CBR4: variants seen among roughly 807,000 people sequenced by gnomAD.
CBR4 encodes carbonyl reductase 4.
A neutral mutation model predicts 21.0 loss-of-function variants in CBR4; 22 were observed. The observed-to-expected ratio is 1.05, with a 90% CI of 0.75 to 1.50. The LOEUF is 1.50. Among genes scored for constraint, CBR4 ranks in the 40% most tolerant of loss-of-function variants. The probability of loss-of-function intolerance (pLI) is 0.00; values close to 1 mark genes in which losing one functional copy is unlikely to be tolerated. For missense variants in CBR4, 302 were observed against 286.3 expected (o/e 1.05, Z -0.40); for synonymous variants, 100 against 104.4 (o/e 0.96, Z 0.26).
At chr4:168,896,456 G>A in intron 2 of CBR4, 1 of 757,310 alleles carries the variant, frequency 1.3e-6, no homozygotes, top group Non-Finnish European at 2.3e-6. Flanking sequence ...CATATTGCTA[G>A]CACAAAAGTT....
chr4:169,003,984 T>C (rs995507575), intron 3 of CBR4, among the ~76,000 whole-genome samples: 4 of 152,084 alleles, frequency 2.6e-5, no homozygotes, highest in African/African-American at 9.7e-5. Flanking sequence ...TTGGGAGATA[T>C]ACCTAACGCT....
rs774609370 is a variant in CBR4, at chr4:168,990,229, G to A, written c.635C>T (p.Ala212Val). 68 of 1,613,218 alleles carry A rather than the reference G, an allele frequency of 4.2e-5. No individual in the cohort carries two copies. Among genetic ancestry groups the A allele is most frequent in the African/African-American group, 1.3e-4 (10 of 74,808 alleles). Reference sequence around the variant, plus strand: ...CGGTGATTCTAAAAGAAACACAACCGCATGTGCCACCTCAATAGTTTCTCC... The same window carrying A: ...CGGTGATTCTAAAAGAAACACAACCACATGTGCCACCTCAATAGTTTCTCC... Reference protein sequence around the residue: ...RFGETIEVAHAVVFLLESPYI... With the variant: ...RFGETIEVAHVVVFLLESPYI... The change falls in exon 5 of 5, where the codon GCG becomes GTG. Residue 212 changes from alanine to valine, a missense_variant. Coordinates refer to ENST00000306193, the MANE Select transcript of CBR4 (RefSeq NM_032783.5).
intron 4 of CBR4, among the ~76,000 whole-genome samples, chr4:168,994,630 G>A (rs917190661): frequency 3.3e-5 from 5 of 152,150 alleles, no homozygotes; most frequent in African/African-American, 9.6e-5. Flanking sequence ...CCAAGCTGGA[G>A]TGCAGTGGCA....
At chr4:168,906,860 C>G (rs1757913225) in intron 2 of CBR4, among the ~76,000 whole-genome samples, 1 of 151,806 alleles carries the variant, frequency 6.6e-6, no homozygotes, top group Non-Finnish European at 1.5e-5. Context: ...AAAAAGAAAC[C>G]CTTGTTAACA....
chr4:168,987,989 G>A lies in CBR4; in HGVS notation c.*2161C>T, dbSNP rs1764749733. The A allele has an allele frequency of 1.0e-6, 1 of 985,238 alleles. No individual in the cohort carries two copies. Among genetic ancestry groups the A allele is most frequent in the African/African-American group, 1.7e-5 (1 of 57,218 alleles). 61.0% of individuals were successfully genotyped at this position (985,238 alleles called of 1,614,324 possible). On this transcript the variant is annotated 3_prime_UTR_variant, in exon 5 of 5. Coordinates refer to ENST00000306193, the MANE Select transcript of CBR4 (RefSeq NM_032783.5). ...AATGCTAAGCACAGAACCCTTATGG[G>A]CTCATAGGAGTCAGCAAACAGCTAC...
At chr4:168,898,564 G>A in intron 2 of CBR4, 4 of 1,613,738 alleles carry the variant, frequency 2.5e-6, no homozygotes, top group Non-Finnish European at 3.4e-6. Flanking sequence ...GGTCTCCTGT[G>A]GATGAATCAG....
intron 2 of CBR4, among the ~76,000 whole-genome samples, chr4:168,924,033 T>TATCA (rs1204368492): frequency 2.0e-5 from 3 of 152,194 alleles, no homozygotes; most frequent in East Asian, 1.9e-4. Flanking sequence ...AGTGTGAGCC[T>TATCA]ATCAGACTTG....
chr4:168,969,560 C>T (rs1764142622), intron 2 of CBR4, among the ~76,000 whole-genome samples: 1 of 152,092 alleles, frequency 6.6e-6, no homozygotes, highest in Admixed American at 6.5e-5. Context: ...GGATAGAGTT[C>T]AACAGATTCA....
At chr4:168,949,027 A>T (rs1763469369) in intron 2 of CBR4, among the ~76,000 whole-genome samples, 1 of 152,132 alleles carries the variant, frequency 6.6e-6, no homozygotes, top group Non-Finnish European at 1.5e-5. Flanking sequence ...TGTTCGTGTC[A>T]TCTGTGATTT....
At chr4:168,982,156 T>C (rs1329718458) in intron 2 of CBR4, among the ~76,000 whole-genome samples, 3 of 152,166 alleles carry the variant, frequency 2.0e-5, no homozygotes, top group Non-Finnish European at 4.4e-5. Flanking sequence ...CCCAACTGTA[T>C]GCTGTCTTCA....
rs1033832851 is a variant in CBR4, at chr4:168,990,468, A to C, written c.536-140T>G. Reference sequence around the variant, plus strand: ...AAATTTTTTTTTGAGACAGGGTCTCACTCTGTCACCCAAGCTAGAATGCAG... The same window carrying C: ...AAATTTTTTTTTGAGACAGGGTCTCCCTCTGTCACCCAAGCTAGAATGCAG... On this transcript the variant is annotated intron_variant, in intron 4 of 4. Coordinates refer to ENST00000306193, the MANE Select transcript of CBR4 (RefSeq NM_032783.5). 11 of 679,882 alleles carry C rather than the reference A, an allele frequency of 1.6e-5. No homozygotes were observed. In the African/African-American group the frequency reaches 2.1e-4, roughly 13 times the overall value. 42.1% of individuals were successfully genotyped at this position (679,882 alleles called of 1,614,324 possible). A position where few individuals can be genotyped will look rare whatever the true frequency, so the allele number is the denominator to read the frequency against.
chr4:168,940,296 G>GAATTA (rs1415111368), intron 2 of CBR4, among the ~76,000 whole-genome samples: 6 of 152,076 alleles, frequency 3.9e-5, no homozygotes, highest in African/African-American at 1.4e-4. Context: ...AACTCAAGAG[G>GAATTA]AATTAAAGAC....
At chr4:168,998,429 C>CA (rs1018606993) in intron 4 of CBR4, among the ~76,000 whole-genome samples, 6 of 152,054 alleles carry the variant, frequency 3.9e-5, no homozygotes, top group African/African-American at 1.2e-4. Flanking sequence ...ATAACAGTCA[C>CA]AAAACACCAA....
chr4:168,961,058 C>T (rs933145786), intron 2 of CBR4, among the ~76,000 whole-genome samples: 3 of 152,146 alleles, frequency 2.0e-5, no homozygotes, highest in Non-Finnish European at 2.9e-5. Context: ...TATTACAAGA[C>T]GGTGGTTATG....
intron 2 of CBR4, chr4:168,894,810 C>T: frequency 6.9e-7 from 1 of 1,440,252 alleles, no homozygotes; most frequent in South Asian, 1.3e-5. Flanking sequence ...GTATTAATAT[C>T]ATCAGTCAAC....
chr4:168,944,269 AC>A (rs552965592), intron 2 of CBR4, among the ~76,000 whole-genome samples: 1 of 151,766 alleles, frequency 6.6e-6, no homozygotes, highest in East Asian at 1.9e-4. Context: ...ATGTAGTGAG[AC>A]CCCCCATCTC....
chr4:168,965,701 T>C (rs549535407), intron 2 of CBR4, among the ~76,000 whole-genome samples: 2 of 152,198 alleles, frequency 1.3e-5, no homozygotes, highest in Non-Finnish European at 2.9e-5. Flanking sequence ...TAGCCATATG[T>C]AGAAAGCTGA....
chr4:168,965,259 A>T (rs1005355732), intron 2 of CBR4, among the ~76,000 whole-genome samples: 1 of 152,214 alleles, frequency 6.6e-6, no homozygotes, highest in Non-Finnish European at 1.5e-5. Context: ...ATAAAAGAGG[A>T]CACAAACAAA....
At chr4:168,899,306 A>G (rs997396781) in intron 2 of CBR4, among the ~76,000 whole-genome samples, 6 of 152,142 alleles carry the variant, frequency 3.9e-5, no homozygotes, top group African/African-American at 1.4e-4. Context: ...GAGCTGCCCT[A>G]TCTTTAAAGG....
Sources: gnomAD v4.1 joint callset for allele counts (sites outside exome capture counted in the v4.1 genomes callset) on GRCh38, gnomAD v4.1.1 for gene constraint, MANE v1.5 for transcripts, NCBI Gene and HGNC (gene_info 2026-07-23, HGNC 2026-07-21) for gene names.